The following ATP10B variants were observed in gnomAD, a reference collection of about 807,000 sequenced individuals.
ATP10B encodes phospholipid-transporting ATPase VB.
Under a neutral mutation model 141.2 loss-of-function variants are expected in ATP10B, and 122 were observed. That is an observed-to-expected ratio of 0.86 (90% CI 0.75 to 1.00). ATP10B has a LOEUF of 1.00. Ranked by LOEUF, ATP10B falls within the 50% of genes least tolerant of loss-of-function variation. The pLI, the probability that ATP10B is intolerant of heterozygous loss-of-function variation, is 0.00. For missense variants in ATP10B, 1,876 were observed against 1,825.3 expected (o/e 1.03, Z -0.51); for synonymous variants, 685 against 692.0 (o/e 0.99, Z 0.16).
chr5:160,799,943 T>C (rs1772259483), intron 1 of ATP10B, among the ~76,000 whole-genome samples: 1 of 152,160 alleles, frequency 6.6e-6, no homozygotes, highest in Non-Finnish European at 1.5e-5. Flanking sequence ...AACAAGGAAT[T>C]TTGAGTTGGA....
chr5:160,841,971 C>A (rs989615491), intron 1 of ATP10B, among the ~76,000 whole-genome samples: 1 of 152,070 alleles, frequency 6.6e-6, no homozygotes, highest in African/African-American at 2.4e-5. Flanking sequence ...GTGATCCACC[C>A]GCCTCGGCCT....
At chr5:160,784,202 A>G (rs1770966197) in intron 2 of ATP10B, among the ~76,000 whole-genome samples, 1 of 152,150 alleles carries the variant, frequency 6.6e-6, no homozygotes, top group Non-Finnish European at 1.5e-5. Flanking sequence ...AGCTCACAGG[A>G]GACTCTTAAA....
At position 160,763,759 on chromosome 5, in the gene ATP10B, A is replaced by T. The variant is rs535526873; in HGVS notation, c.-331+21800T>A. On this transcript the variant is annotated intron_variant, in intron 2 of 25. Transcript: ENST00000327245. ...ACAAAAAATATGCAAAAGGTAAATG[A>T]TACAAAAAGCTGGTTCTTTCAAAAG... Among the ~76,000 whole-genome samples, 63 of 152,298 alleles carry T rather than the reference A, an allele frequency of 4.1e-4. 1 individual carries two copies. Among genetic ancestry groups the T allele is most frequent in the African/African-American group, 1.4e-3 (60 of 41,586 alleles).
At chr5:160,608,335 G>T (rs1757516645) in intron 18 of ATP10B, among the ~76,000 whole-genome samples, 1 of 152,146 alleles carries the variant, frequency 6.6e-6, no homozygotes, top group African/African-American at 2.4e-5. Flanking sequence ...ATCATTGATG[G>T]ACATTTGGGT....
chr5:160,625,922 A>C (rs1274523049), intron 13 of ATP10B, among the ~76,000 whole-genome samples: 6 of 152,264 alleles, frequency 3.9e-5, no homozygotes. Context: ...GTAGCAATGC[A>C]TTAAAACAAA....
At chr5:160,674,695 C>A (rs1762917804) in intron 6 of ATP10B, among the ~76,000 whole-genome samples, 1 of 151,900 alleles carries the variant, frequency 6.6e-6, no homozygotes. Flanking sequence ...AGCACACATA[C>A]CTCCAGGATA....
chr5:160,873,816 G>A, the ATP10B span, among the ~76,000 whole-genome samples: 3 of 152,324 alleles, frequency 2.0e-5, no homozygotes, highest in East Asian at 1.9e-4. Context: ...TGAATATTGC[G>A]CTTTTCAGAC....
chr5:160,796,475 T>G (rs1466312776), intron 1 of ATP10B, among the ~76,000 whole-genome samples: 1 of 152,158 alleles, frequency 6.6e-6, no homozygotes, highest in African/African-American at 2.4e-5. Context: ...TTGTATTCTA[T>G]CTCTCAACCT....
At chr5:160,791,653 G>A (rs991222374) in intron 1 of ATP10B, among the ~76,000 whole-genome samples, 3 of 152,130 alleles carry the variant, frequency 2.0e-5, no homozygotes, top group Non-Finnish European at 4.4e-5. Flanking sequence ...ACAGGCAGCA[G>A]GATGAAGAAA....
chr5:160,673,104 T>G (rs1421954), intron 6 of ATP10B, among the ~76,000 whole-genome samples: 98,801 of 152,166 alleles, frequency 0.65, 32,712 homozygotes, highest in Middle Eastern at 0.78. Flanking sequence ...CAGACACGGT[T>G]AAATGTCATC....
At chr5:160,684,692 C>A in intron 6 of ATP10B, 1 of 549,600 alleles carries the variant, frequency 1.8e-6, no homozygotes, top group Non-Finnish European at 3.2e-6. Context: ...CTATAAAGCT[C>A]ACTGTAGAGA....
intron 2 of ATP10B, among the ~76,000 whole-genome samples, chr5:160,758,474 T>G (rs939061279): frequency 2.6e-5 from 4 of 152,228 alleles, no homozygotes; most frequent in South Asian, 2.1e-4. Context: ...CTCTGTTCAC[T>G]GTCCTCTTGG....
intron 2 of ATP10B, among the ~76,000 whole-genome samples, chr5:160,751,451 A>T (rs1768144634): frequency 6.6e-6 from 1 of 152,204 alleles, no homozygotes; most frequent in South Asian, 2.1e-4. Flanking sequence ...CAGGTAGTGG[A>T]TCTGAGTTGC....
chr5:160,746,549 G>A (rs982820394), intron 2 of ATP10B, among the ~76,000 whole-genome samples: 1 of 151,852 alleles, frequency 6.6e-6, no homozygotes, highest in Non-Finnish European at 1.5e-5. Flanking sequence ...CTGCCACCAC[G>A]CCCAGCTAAT....
At chr5:160,667,262 G>A (rs1762381106) in intron 7 of ATP10B, among the ~76,000 whole-genome samples, 1 of 151,920 alleles carries the variant, frequency 6.6e-6, no homozygotes, top group Non-Finnish European at 1.5e-5. Flanking sequence ...AAAAACTGAG[G>A]CTCTGGACAA....
At chr5:160,574,744 T>C (rs1755083668) in intron 24 of ATP10B, among the ~76,000 whole-genome samples, 2 of 151,826 alleles carry the variant, frequency 1.3e-5, no homozygotes, top group South Asian at 2.1e-4. Context: ...CCTTTCACCA[T>C]GTGAGGACAC....
chr5:160,776,295 A>G (rs999525370), intron 2 of ATP10B, among the ~76,000 whole-genome samples: 1 of 152,218 alleles, frequency 6.6e-6, no homozygotes, highest in Admixed American at 6.5e-5. Context: ...CAGTTCTGCT[A>G]CTTTTGGTCT....
intron 1 of ATP10B, among the ~76,000 whole-genome samples, chr5:160,790,231 G>A (rs914481662): frequency 2.0e-5 from 3 of 152,068 alleles, no homozygotes; most frequent in Non-Finnish European, 4.4e-5. Flanking sequence ...CCTTGGGTAT[G>A]ATACATGTAT....
intron 1 of ATP10B, among the ~76,000 whole-genome samples, chr5:160,789,860 G>A (rs940477119): frequency 9.9e-5 from 15 of 152,144 alleles, no homozygotes; most frequent in Non-Finnish European, 2.1e-4. Flanking sequence ...GGAGGACTTA[G>A]GTATCTGTTA....
Sources: gnomAD v4.1 joint callset for allele counts (sites outside exome capture counted in the v4.1 genomes callset) on GRCh38, gnomAD v4.1.1 for gene constraint, MANE v1.5 for transcripts, NCBI Gene and HGNC (gene_info 2026-07-23, HGNC 2026-07-21) for gene names.